CDC42SE2: variants seen among roughly 807,000 people sequenced by gnomAD.
The protein encoded by CDC42SE2 is CDC42 small effector protein 2.
CDC42SE2 carries 3 observed loss-of-function variants against 11.5 expected under a neutral mutation model. That is an observed-to-expected ratio of 0.26 (90% CI 0.12 to 0.67). CDC42SE2 has a LOEUF of 0.67. CDC42SE2 is among the 30% of genes least tolerant of loss of function. The pLI, the probability that CDC42SE2 is intolerant of heterozygous loss-of-function variation, is 0.80. For synonymous variants in CDC42SE2, 33 were observed against 34.8 expected, an observed-to-expected ratio of 0.95 and a Z score of 0.18; for missense variants, 82 against 106.8, an observed-to-expected ratio of 0.77 and a Z score of 1.02.
upstream of CDC42SE2, among the ~76,000 whole-genome samples, chr5:131,261,798 C>A (rs1264606055): frequency 3.4e-5 from 5 of 148,456 alleles, no homozygotes; most frequent in African/African-American, 1.2e-4. Flanking sequence ...TGCAGAGAGC[C>A]GAGATAGCAC....
At chr5:131,218,174 C>CAAAAA in the CDC42SE2 span, among the ~76,000 whole-genome samples, 6 of 74,762 alleles carry the variant, frequency 8.0e-5, no homozygotes, top group African/African-American at 1.8e-4. Flanking sequence ...GACCCTGTCT[C>CAAAAA]AAAAAAAAAA....
chr5:131,238,895 C>T, the CDC42SE2 span, among the ~76,000 whole-genome samples: 311 of 152,102 alleles, frequency 2.0e-3, 3 homozygotes, highest in African/African-American at 6.8e-3. Context: ...ACACCGGGCA[C>T]GGCTGTAGTC....
chr5:131,216,518 A>AAAAAAAAC, the CDC42SE2 span, among the ~76,000 whole-genome samples: 55 of 146,092 alleles, frequency 3.8e-4, 1 homozygote, highest in African/African-American at 1.1e-3. Flanking sequence ...AAAAAAAAAA[A>AAAAAAAAC]AAAACATTAT....
At chr5:131,253,199 G>A (rs1212294172) in intron 1 of CDC42SE2, 1 of 152,246 alleles carries the variant, frequency 6.6e-6, no homozygotes, top group Non-Finnish European at 1.5e-5. Flanking sequence ...GCAGCCAAAA[G>A]CTGTTTGGGT....
chr5:131,277,107 A>T (rs1321069518), intron 1 of CDC42SE2, among the ~76,000 whole-genome samples: 3 of 152,176 alleles, frequency 2.0e-5, no homozygotes, highest in African/African-American at 7.2e-5. Flanking sequence ...GACACACTAG[A>T]AGTGTTTCTT....
At chr5:131,317,101 TAC>T (rs1758057789) in intron 2 of CDC42SE2, among the ~76,000 whole-genome samples, 1 of 152,052 alleles carries the variant, frequency 6.6e-6, no homozygotes, top group African/African-American at 2.4e-5. Flanking sequence ...ATCTAATAAT[TAC>T]AGAGATTTTT....
chr5:131,283,562 C>A (rs931261048), intron 1 of CDC42SE2, among the ~76,000 whole-genome samples: 1 of 149,360 alleles, frequency 6.7e-6, no homozygotes, highest in Non-Finnish European at 1.5e-5. Flanking sequence ...GGTGTGATCT[C>A]GGCCCACTGC....
chr5:131,382,426 TTA>T (rs1353912969), intron 3 of CDC42SE2, among the ~76,000 whole-genome samples: 1 of 152,200 alleles, frequency 6.6e-6, no homozygotes, highest in Non-Finnish European at 1.5e-5. Flanking sequence ...AATAAATCAC[TTA>T]ATATGGAGGT....
intron 1 of CDC42SE2, among the ~76,000 whole-genome samples, chr5:131,290,464 TTTTC>T (rs1322923322): frequency 2.7e-5 from 4 of 150,892 alleles, no homozygotes; most frequent in Non-Finnish European, 5.9e-5. Flanking sequence ...GCTGCTTCTT[TTTTC>T]TTTCTTTTTT....
chr5:131,327,964 G>C (rs774244536), intron 2 of CDC42SE2, among the ~76,000 whole-genome samples: 1 of 152,170 alleles, frequency 6.6e-6, no homozygotes, highest in Non-Finnish European at 1.5e-5. Context: ...CATGGTTTGG[G>C]AGGCTGGGAA....
At chr5:131,222,565 C>T in the CDC42SE2 span, among the ~76,000 whole-genome samples, 1 of 152,204 alleles carries the variant, frequency 6.6e-6, no homozygotes, top group Non-Finnish European at 1.5e-5. Context: ...AAATTTTAAA[C>T]AAACATAAAA....
chr5:131,278,498 C>A (rs969936105), intron 1 of CDC42SE2, among the ~76,000 whole-genome samples: 24 of 23,712 alleles, frequency 1.0e-3, no homozygotes, highest in Non-Finnish European at 1.7e-3. Flanking sequence ...GCCTCTCTCT[C>A]CAGCTCCATG....
chr5:131,293,130 C>T (rs371283664), intron 1 of CDC42SE2, among the ~76,000 whole-genome samples: 1 of 152,034 alleles, frequency 6.6e-6, no homozygotes, highest in Non-Finnish European at 1.5e-5. Context: ...AATTCTAACC[C>T]GCAACGTGAT....
chr5:131,381,721 A>G (rs1750333180), intron 3 of CDC42SE2, among the ~76,000 whole-genome samples: 1 of 152,230 alleles, frequency 6.6e-6, no homozygotes, highest in Non-Finnish European at 1.5e-5. Flanking sequence ...ACCAACATTA[A>G]TAACTTATTT....
At chr5:131,343,813 A>G (rs1758770000) in intron 2 of CDC42SE2, among the ~76,000 whole-genome samples, 1 of 152,092 alleles carries the variant, frequency 6.6e-6, no homozygotes, top group Non-Finnish European at 1.5e-5. Context: ...AGAGGGAAAG[A>G]TGAACATGGC....
chr5:131,260,877 T>C (rs1756719690), upstream of CDC42SE2, among the ~76,000 whole-genome samples: 1 of 152,220 alleles, frequency 6.6e-6, no homozygotes, highest in Non-Finnish European at 1.5e-5. Context: ...GAGGTTGCAG[T>C]GAGCCAAGAT....
intron 1 of CDC42SE2, among the ~76,000 whole-genome samples, chr5:131,298,898 T>C (rs911791125): frequency 6.6e-5 from 10 of 152,126 alleles, no homozygotes; most frequent in African/African-American, 2.4e-4. Context: ...ACCTCTGTAA[T>C]ATAAATGCCC....
chr5:131,391,027 G>A lies in CDC42SE2; in HGVS notation c.191G>A (p.Gly64Glu), dbSNP rs1561440323. 6.2e-7 allele frequency: 1 copy of A among 1,613,172 alleles called. No individual in the cohort carries two copies. The highest frequency in any genetic ancestry group is 8.5e-7 in the Non-Finnish European group (1 of 1,179,416). The change falls in exon 5 of 5, where the codon GGA (glycine) becomes GAA (glutamate). Residue 64 changes from glycine (G) to glutamate (E), a missense_variant. Coordinates refer to ENST00000505065, the MANE Select transcript of CDC42SE2 (RefSeq NM_001375635.1). ...SSIQNQMQSK[G>E]GYGGGMPANV... is the part of the protein sequence containing the mutation. ...ATTCAGAACCAAATGCAGTCCAAGG[G>A]AGGTTATGGAGGTGGAATGCCTGCC...
chr5:131,295,191 G>A (rs1291371396), intron 1 of CDC42SE2, among the ~76,000 whole-genome samples: 1 of 151,116 alleles, frequency 6.6e-6, no homozygotes, highest in East Asian at 2.0e-4. Flanking sequence ...ACTGAGGCAT[G>A]AGAATCACTT....
Sources: allele counts gnomAD v4.1 joint callset (sites outside exome capture counted in the v4.1 genomes callset), GRCh38; gene constraint gnomAD v4.1.1; transcripts MANE v1.5; gene names NCBI Gene and HGNC (gene_info 2026-07-23, HGNC 2026-07-21).